PDE6A: variants seen among roughly 807,000 people sequenced by gnomAD.
PDE6A encodes the protein rod cGMP-specific 3',5'-cyclic phosphodiesterase subunit alpha.
In PDE6A, 84 loss-of-function variants were observed where a neutral mutation model predicts 106.3. That is an observed-to-expected ratio of 0.79 (90% CI 0.66 to 0.95). The LOEUF (loss-of-function observed/expected upper bound fraction) is 0.95. PDE6A is among the 40% of genes least tolerant of loss of function. The probability of loss-of-function intolerance (pLI) is 0.00; values close to 1 mark genes in which losing one functional copy is unlikely to be tolerated. For missense variants in PDE6A, 1,052 were observed against 1,084.9 expected (o/e 0.97, Z 0.43); for synonymous variants, 394 against 386.6 (o/e 1.02, Z -0.23).
intron 9 of PDE6A, among the ~76,000 whole-genome samples, chr5:149,898,986 C>G (rs1328587002): frequency 1.3e-5 from 2 of 152,168 alleles, no homozygotes; most frequent in Non-Finnish European, 2.9e-5. Context: ...GCTTCAGTCT[C>G]CTGAGTAACT....
At chr5:149,873,789 A>C (rs1012825809) in intron 17 of PDE6A, among the ~76,000 whole-genome samples, 2 of 152,284 alleles carry the variant, frequency 1.3e-5, no homozygotes, top group South Asian at 2.1e-4. Context: ...ATCTGGAATT[A>C]AGGGGAAATG....
rs529758815 is a variant in PDE6A, at chr5:149,931,688, A to G, written c.718-520T>C. ...AACAAAACTGCTTACAGTGTTTGAG[A>G]AACACGACAAAATAATTGTTTTTCT... is the stretch of plus-strand genomic sequence containing the variant. On this transcript the variant is annotated intron_variant, in intron 3 of 21. Coordinates refer to ENST00000255266, the MANE Select transcript of PDE6A (RefSeq NM_000440.3). 1.9e-4 allele frequency among the ~76,000 whole-genome samples: 29 copies of G among 152,378 alleles called. No homozygotes were observed. In the South Asian group the frequency reaches 6.0e-3, roughly 32 times the overall value.
rs947917466 is a variant in PDE6A, at chr5:149,863,012, C to A, written c.2506+107G>T. 2.4e-5 allele frequency: 33 copies of A among 1,358,564 alleles called. No individual in the cohort carries two copies. Among genetic ancestry groups the A allele is most frequent in the Non-Finnish European group, 3.4e-5 (32 of 948,868 alleles). The allele number at this position is 1,358,564 out of a possible 1,614,324, so 84.2% of individuals were successfully genotyped here. A position where few individuals can be genotyped will look rare whatever the true frequency, so the allele number is the denominator to read the frequency against. ...ACAGAATGGGGACAGTATTGGCCAT[C>A]AGGAGGCCTGAATGAGACTCCGTGT... On this transcript the variant is annotated intron_variant, in intron 21 of 21. Transcript: ENST00000255266. This position sits in a 1 kb window ranked among gnomAD's most constrained non-coding sequence, Gnocchi z 4.7.
intron 6 of PDE6A, among the ~76,000 whole-genome samples, chr5:149,910,015 G>A (rs1753325774): frequency 6.6e-6 from 1 of 152,088 alleles, no homozygotes; most frequent in Admixed American, 6.5e-5. Flanking sequence ...AAGTCAATTA[G>A]CAAACAGATT....
intron 4 of PDE6A, among the ~76,000 whole-genome samples, chr5:149,927,358 T>C (rs1261600885): frequency 6.6e-6 from 1 of 152,208 alleles, no homozygotes; most frequent in African/African-American, 2.4e-5. Flanking sequence ...TTATAAACAC[T>C]GGACACTTAG....
intron 7 of PDE6A, among the ~76,000 whole-genome samples, chr5:149,904,794 G>A (rs1252288371): frequency 6.6e-6 from 1 of 152,118 alleles, no homozygotes; most frequent in African/African-American, 2.4e-5. Flanking sequence ...TGATCTCAGA[G>A]TTCTTGGAGC....
At chr5:149,920,979 A>AAAG (rs1753698490) in intron 5 of PDE6A, among the ~76,000 whole-genome samples, 1 of 133,038 alleles carries the variant, frequency 7.5e-6, no homozygotes, top group African/African-American at 3.9e-5. Flanking sequence ...AGAAAGAAAG[A>AAAG]AAGAAAGAAA....
intron 4 of PDE6A, among the ~76,000 whole-genome samples, chr5:149,922,905 A>G (rs1370087603): frequency 6.6e-6 from 1 of 152,204 alleles, no homozygotes; most frequent in South Asian, 2.1e-4. Flanking sequence ...CTCCTACAAA[A>G]GAAACTGCAA....
intron 5 of PDE6A, among the ~76,000 whole-genome samples, chr5:149,920,978 G>GAAAGAA (rs1753698222): frequency 7.6e-6 from 1 of 132,318 alleles, no homozygotes; most frequent in East Asian, 2.1e-4. Flanking sequence ...AAGAAAGAAA[G>GAAAGAA]AAAGAAAGAA....
intron 13 of PDE6A, 93 bp downstream of exon 13, chr5:149,895,087 AAAG>A (rs751799037): frequency 1.5e-4 from 117 of 795,304 alleles, no homozygotes; most frequent in South Asian, 3.0e-4. Context: ...ATAAATAAAG[AAAG>A]AAGAACAACG....
At chr5:149,921,108 C>T (rs1043612388) in intron 5 of PDE6A, among the ~76,000 whole-genome samples, 3 of 152,158 alleles carry the variant, frequency 2.0e-5, no homozygotes, top group African/African-American at 7.2e-5. Flanking sequence ...GTTTTCTAAG[C>T]TCATATTGTC....
At chr5:149,882,963 C>A (rs1760982568) in intron 17 of PDE6A, among the ~76,000 whole-genome samples, 1 of 152,140 alleles carries the variant, frequency 6.6e-6, no homozygotes, top group Admixed American at 6.5e-5. Context: ...CAGGCTGAGG[C>A]AGGAGAATTG....
chr5:149,922,478 AT>A (rs1300454200), intron 4 of PDE6A, among the ~76,000 whole-genome samples: 2 of 151,876 alleles, frequency 1.3e-5, no homozygotes, highest in Non-Finnish European at 2.9e-5. Flanking sequence ...CATCCGGCTA[AT>A]TTTTATATTT....
At chr5:149,938,641 T>C (rs867732481) in intron 1 of PDE6A, among the ~76,000 whole-genome samples, 3 of 152,236 alleles carry the variant, frequency 2.0e-5, no homozygotes, top group Non-Finnish European at 4.4e-5. Context: ...GCCTTCCCAA[T>C]GAAATTTGAA....
intron 17 of PDE6A, among the ~76,000 whole-genome samples, chr5:149,870,022 C>T (rs1461087275): frequency 6.6e-6 from 1 of 152,178 alleles, no homozygotes; most frequent in Non-Finnish European, 1.5e-5. Context: ...GGCACAGTGG[C>T]TCACACCTGT....
chr5:149,870,149 C>A (rs1305828102), intron 17 of PDE6A, among the ~76,000 whole-genome samples: 2 of 152,132 alleles, frequency 1.3e-5, no homozygotes, highest in East Asian at 1.9e-4. Context: ...ATTAGCCAGG[C>A]GTGGTGGCAT....
intron 7 of PDE6A, among the ~76,000 whole-genome samples, chr5:149,904,553 C>T (rs1329483469): frequency 1.3e-5 from 2 of 152,120 alleles, no homozygotes; most frequent in African/African-American, 2.4e-5. Flanking sequence ...CTGCTTGCAG[C>T]GCCATGACCT....
Position 149,933,978 on chromosome 5 carries a change from C to T in PDE6A, c.669G>A (p.Lys223=). 6.2e-7 allele frequency: 1 copy of T among 1,613,870 alleles called. No homozygotes were observed. The highest frequency in any genetic ancestry group is 2.2e-5 in the East Asian group (1 of 44,874). Residue 223 remains lysine, a synonymous_variant, in exon 3 of 22, where the codon AAG becomes AAA. Transcript: ENST00000255266. ...KYLNFANLIM[K]VYHLSYLHNC... ...TGTGCAGGTAACTCAGGTGGTACACCTTCATGATTAGATTTGCAAAATTGA... is the reference window on the plus strand; with the variant it reads ...TGTGCAGGTAACTCAGGTGGTACACTTTCATGATTAGATTTGCAAAATTGA...
At chr5:149,921,867 T>C (rs1000531691) in intron 4 of PDE6A, among the ~76,000 whole-genome samples, 158 bp from the exon 5 acceptor site, 1 of 152,084 alleles carries the variant, frequency 6.6e-6, no homozygotes, top group African/African-American at 2.4e-5. Context: ...CTCACTACAG[T>C]TAGAAAATAG....
Sources: gnomAD v4.1 joint callset for allele counts (sites outside exome capture counted in the v4.1 genomes callset) on GRCh38, gnomAD v4.1.1 for gene constraint, Gnocchi (gnomAD v3.1) non-coding constraint, MANE v1.5 for transcripts, NCBI Gene and HGNC (gene_info 2026-07-23, HGNC 2026-07-21) for gene names.